Variants in IGSF11 observed in about 807,000 individuals in gnomAD.
IGSF11 encodes the protein CXADR like 1.
IGSF11 carries 22 observed loss-of-function variants against 41.0 expected under a neutral mutation model. The observed-to-expected ratio is 0.54, with a 90% CI of 0.38 to 0.77. IGSF11 has a LOEUF of 0.77. Among genes scored for constraint, IGSF11 ranks in the 30% least tolerant of loss-of-function variants. The pLI is 0.00. For synonymous variants in IGSF11, 219 were observed against 201.3 expected, an observed-to-expected ratio of 1.09 and a Z score of -0.74; for missense variants, 444 against 530.8, an observed-to-expected ratio of 0.84 and a Z score of 1.61.
At chr3:119,068,721 T>G (rs74573782) in intron 1 of IGSF11, among the ~76,000 whole-genome samples, 3 of 152,280 alleles carry the variant, frequency 2.0e-5, no homozygotes, top group East Asian at 3.9e-4. Context: ...TTTTGAGGAC[T>G]CTAGCTTTCA....
intron 1 of IGSF11, among the ~76,000 whole-genome samples, chr3:118,946,617 G>A (rs1345528622): frequency 6.6e-6 from 1 of 152,152 alleles, no homozygotes; most frequent in Non-Finnish European, 1.5e-5. Flanking sequence ...TCCAATGTAT[G>A]TCATACTGCT....
intron 1 of IGSF11, among the ~76,000 whole-genome samples, chr3:119,055,438 C>T (rs1941793000): frequency 6.6e-6 from 1 of 152,172 alleles, no homozygotes. Context: ...AATACATATG[C>T]ACCCAATACA....
At chr3:119,092,571 C>A (rs1050109796) in intron 1 of IGSF11, among the ~76,000 whole-genome samples, 1 of 152,034 alleles carries the variant, frequency 6.6e-6, no homozygotes, top group Non-Finnish European at 1.5e-5. Context: ...CTCAGGTGAT[C>A]CACTCCTCTC....
chr3:118,982,413 C>T (rs1034186704), intron 1 of IGSF11, among the ~76,000 whole-genome samples: 1 of 151,958 alleles, frequency 6.6e-6, no homozygotes. Flanking sequence ...AAATCTTCTC[C>T]CAAAAAAAGG....
intron 1 of IGSF11, among the ~76,000 whole-genome samples, chr3:118,938,391 C>T (rs571956954): frequency 3.9e-4 from 60 of 152,312 alleles, no homozygotes; most frequent in Admixed American, 5.9e-4. Flanking sequence ...GATCCCCACC[C>T]ACTTCCTGTT....
intron 1 of IGSF11, among the ~76,000 whole-genome samples, chr3:119,030,892 C>T (rs985820312): frequency 4.6e-5 from 7 of 152,130 alleles, no homozygotes; most frequent in African/African-American, 1.7e-4. Context: ...TAAAATAATT[C>T]AGTGTTGAGA....
At chr3:118,937,716 A>G (rs942476404) in intron 1 of IGSF11, among the ~76,000 whole-genome samples, 1 of 152,210 alleles carries the variant, frequency 6.6e-6, no homozygotes, top group Non-Finnish European at 1.5e-5. Context: ...TGGTTGGTGT[A>G]CAACGGCAAG....
At chr3:119,096,046 T>TTTCA (rs140627527) in intron 1 of IGSF11, among the ~76,000 whole-genome samples, 12 of 151,652 alleles carry the variant, frequency 7.9e-5, no homozygotes, top group African/African-American at 2.9e-4. Flanking sequence ...ATGAAAACTG[T>TTTCA]TTTATTTATT....
At chr3:119,071,616 A>G (rs1159690668) in intron 1 of IGSF11, among the ~76,000 whole-genome samples, 1 of 152,210 alleles carries the variant, frequency 6.6e-6, no homozygotes, top group Non-Finnish European at 1.5e-5. Context: ...CATCCTTCTC[A>G]AAAATAAATT....
At chr3:118,951,389 T>C (rs919841240) in intron 1 of IGSF11, among the ~76,000 whole-genome samples, 1 of 152,174 alleles carries the variant, frequency 6.6e-6, no homozygotes, top group East Asian at 1.9e-4. Context: ...ACTCCCCAGT[T>C]GGCCACTGTA....
At chr3:119,001,432 G>A (rs991319467) in intron 1 of IGSF11, among the ~76,000 whole-genome samples, 5 of 145,554 alleles carry the variant, frequency 3.4e-5, no homozygotes, top group Non-Finnish European at 7.6e-5. Flanking sequence ...TTTGTTTTTT[G>A]CTTTAGTTTT....
intron 1 of IGSF11, among the ~76,000 whole-genome samples, chr3:119,136,920 A>G (rs1383787006): frequency 6.6e-6 from 1 of 152,182 alleles, no homozygotes; most frequent in Non-Finnish European, 1.5e-5. Flanking sequence ...AGCCAGTAGC[A>G]TTTCTATGTG....
At chr3:118,957,614 C>T (rs976302581) in intron 1 of IGSF11, among the ~76,000 whole-genome samples, 2 of 152,190 alleles carry the variant, frequency 1.3e-5, no homozygotes, top group African/African-American at 4.8e-5. Flanking sequence ...ACTCGCCATT[C>T]CTTGTAGGCT....
intron 1 of IGSF11, among the ~76,000 whole-genome samples, chr3:119,083,125 T>TC (rs935852270): frequency 9.2e-6 from 1 of 108,194 alleles, no homozygotes; most frequent in Non-Finnish European, 1.8e-5. Flanking sequence ...TTTTCTTTTT[T>TC]CTTTTTTTTT....
intron 1 of IGSF11, among the ~76,000 whole-genome samples, chr3:119,079,146 T>A (rs2076549193): frequency 6.6e-6 from 1 of 151,978 alleles, no homozygotes; most frequent in Non-Finnish European, 1.5e-5. Flanking sequence ...TCACCTGAGG[T>A]CAGGAGTTGG....
intron 1 of IGSF11, among the ~76,000 whole-genome samples, chr3:119,119,718 C>T (rs139831056): frequency 2.6e-5 from 4 of 152,138 alleles, no homozygotes; most frequent in African/African-American, 4.8e-5. Context: ...TCTCAGAGTA[C>T]GGTGACTACC....
chr3:119,010,994 G>C lies in IGSF11; in HGVS notation c.52+23537C>G, dbSNP rs1171763972. Among the ~76,000 whole-genome samples the C allele has an allele frequency of 2.0e-5, 3 of 152,180 alleles. No homozygotes were observed. In the East Asian group the frequency reaches 5.8e-4, roughly 29 times the overall value. ...ATTCCTCCTACTTAGAAGTTACTGA[G>C]ATAAAAAGCACTTGAAGAAAAAATC... is the stretch of plus-strand genomic sequence containing the variant. On this transcript the variant is annotated intron_variant, in intron 1 of 6. Transcript: ENST00000393775.
chr3:118,971,973 C>G (rs1933496421), intron 1 of IGSF11, among the ~76,000 whole-genome samples: 1 of 152,062 alleles, frequency 6.6e-6, no homozygotes, highest in African/African-American at 2.4e-5. Flanking sequence ...CTATTAAATA[C>G]AAAGATATTC....
At chr3:118,964,301 T>C (rs935963584) in intron 1 of IGSF11, among the ~76,000 whole-genome samples, 1 of 152,170 alleles carries the variant, frequency 6.6e-6, no homozygotes, top group Non-Finnish European at 1.5e-5. Flanking sequence ...TAAATCTGTA[T>C]ATGTGTACTA....
Sources: gnomAD v4.1 joint callset for allele counts (sites outside exome capture counted in the v4.1 genomes callset) on GRCh38, gnomAD v4.1.1 for gene constraint, MANE v1.5 for transcripts, NCBI Gene and HGNC (gene_info 2026-07-23, HGNC 2026-07-21) for gene names.